PDE4B: variants seen among roughly 807,000 people sequenced by gnomAD.
PDE4B encodes 3',5'-cyclic-AMP phosphodiesterase 4B.
A neutral mutation model predicts 82.2 loss-of-function variants in PDE4B; 20 were observed. That is an observed-to-expected ratio of 0.24 (90% CI 0.17 to 0.35). The LOEUF is 0.35. Among genes scored for constraint, PDE4B ranks in the 10% least tolerant of loss-of-function variants. PDE4B has a pLI of 1.00. For missense variants in PDE4B, 655 were observed against 907.2 expected (o/e 0.72, Z 3.57); for synonymous variants, 320 against 318.9 (o/e 1.00, Z -0.04).
intron 3 of PDE4B, among the ~76,000 whole-genome samples, chr1:65,924,076 A>ACTTTTTTTTTTTTTTTTT (rs1647357789): frequency 6.8e-5 from 1 of 14,622 alleles, no homozygotes; most frequent in African/African-American, 8.7e-5. Context: ...CCAGTTTGCT[A>ACTTTTTTTTTTTTTTTTT]ATTTTTTTTT....
At chr1:66,149,951 A>G (rs144108152) in intron 3 of PDE4B, among the ~76,000 whole-genome samples, 8 of 152,326 alleles carry the variant, frequency 5.3e-5, no homozygotes, top group African/African-American at 1.4e-4. Context: ...TAGGAGTCCA[A>G]CTGCATTCTT....
intron 3 of PDE4B, among the ~76,000 whole-genome samples, chr1:65,960,511 T>A (rs1159734727): frequency 6.6e-6 from 1 of 152,182 alleles, no homozygotes; most frequent in Non-Finnish European, 1.5e-5. Context: ...CAGCCTTGAA[T>A]GTTAGACTGA....
At chr1:65,803,132 T>C (rs773933250) in intron 1 of PDE4B, among the ~76,000 whole-genome samples, 22 of 152,174 alleles carry the variant, frequency 1.4e-4, no homozygotes, top group Non-Finnish European at 2.6e-4. Flanking sequence ...ATTCAAGATA[T>C]TGACAAAAAT....
chr1:66,077,342 T>G (rs1374029408), intron 3 of PDE4B, among the ~76,000 whole-genome samples: 1 of 152,176 alleles, frequency 6.6e-6, no homozygotes, highest in Admixed American at 6.5e-5. Flanking sequence ...GTGTAAACAT[T>G]TAACACGTGT....
chr1:66,210,830 A>G (rs893080044), intron 3 of PDE4B, among the ~76,000 whole-genome samples: 3 of 152,012 alleles, frequency 2.0e-5, no homozygotes, highest in Admixed American at 6.6e-5. Context: ...CTGACATTAG[A>G]CTCATCGTTT....
At chr1:66,243,703 A>T (rs138842730) in intron 3 of PDE4B, among the ~76,000 whole-genome samples, 1 of 152,302 alleles carries the variant, frequency 6.6e-6, no homozygotes, top group East Asian at 1.9e-4. Context: ...CCCATCACCC[A>T]CCATCACTGC....
At chr1:66,364,688 A>G (rs1402059278) in intron 12 of PDE4B, among the ~76,000 whole-genome samples, 2 of 152,206 alleles carry the variant, frequency 1.3e-5, no homozygotes, top group Non-Finnish European at 2.9e-5. Flanking sequence ...AGGGTGTTTG[A>G]TCCCTCTGAA....
chr1:66,114,990 G>A (rs1043683312), intron 3 of PDE4B, among the ~76,000 whole-genome samples: 2 of 152,032 alleles, frequency 1.3e-5, no homozygotes, highest in Non-Finnish European at 2.9e-5. Flanking sequence ...CCAAAATTGG[G>A]GAGTTTACAA....
intron 16 of PDE4B, among the ~76,000 whole-genome samples, chr1:66,371,102 A>C (rs2050754478): frequency 1.4e-5 from 1 of 70,068 alleles, no homozygotes; most frequent in Admixed American, 1.2e-4. Context: ...TACTATATAT[A>C]TATATATATA....
intron 3 of PDE4B, among the ~76,000 whole-genome samples, chr1:66,090,995 G>A (rs1002996208): frequency 1.3e-5 from 2 of 151,784 alleles, no homozygotes; most frequent in African/African-American, 4.8e-5. Flanking sequence ...AAATTAATTG[G>A]GAAAAGAAAA....
intron 7 of PDE4B, among the ~76,000 whole-genome samples, chr1:66,324,514 G>A (rs903086485): frequency 6.6e-6 from 1 of 152,166 alleles, no homozygotes; most frequent in African/African-American, 2.4e-5. Context: ...GCAAGTGAAA[G>A]TGCTTGGTAA....
chr1:66,218,757 A>C (rs1010731797), intron 3 of PDE4B, among the ~76,000 whole-genome samples: 1 of 152,030 alleles, frequency 6.6e-6, no homozygotes. Context: ...CTGAGAGCAG[A>C]GATGATATTT....
chr1:66,239,992 A>G (rs151159760), intron 3 of PDE4B, among the ~76,000 whole-genome samples: 1 of 152,366 alleles, frequency 6.6e-6, no homozygotes, highest in African/African-American at 2.4e-5. Context: ...AAGAATGTGA[A>G]TGATTTTTGC....
chr1:66,041,111 A>G (rs1399515210), intron 3 of PDE4B, among the ~76,000 whole-genome samples: 1 of 151,932 alleles, frequency 6.6e-6, no homozygotes, highest in Non-Finnish European at 1.5e-5. Flanking sequence ...GGTGTTGTAT[A>G]GAGGTGGAGT....
At chr1:66,010,157 G>A (rs962127840) in intron 3 of PDE4B, among the ~76,000 whole-genome samples, 5 of 152,020 alleles carry the variant, frequency 3.3e-5, no homozygotes, top group Admixed American at 1.3e-4. Context: ...CAGACTGTTT[G>A]GGTACCTTCC....
intron 7 of PDE4B, among the ~76,000 whole-genome samples, chr1:66,292,264 T>A (rs1201316296): frequency 6.6e-6 from 1 of 152,216 alleles, no homozygotes; most frequent in Non-Finnish European, 1.5e-5. Context: ...TTATCTTTGC[T>A]GAATAGTGTT....
At chr1:66,214,038 A>T (rs1416243795) in intron 3 of PDE4B, among the ~76,000 whole-genome samples, 1 of 152,178 alleles carries the variant, frequency 6.6e-6, no homozygotes. Context: ...ATATTTTTGT[A>T]TCAAAAAGAT....
chr1:66,225,672 G>C (rs886923299), intron 3 of PDE4B, among the ~76,000 whole-genome samples: 9 of 152,132 alleles, frequency 5.9e-5, no homozygotes, highest in Non-Finnish European at 1.3e-4. Flanking sequence ...CAGTAACCAG[G>C]GCAGGGATAT....
At chr1:65,989,661 C>A (rs1466902561) in intron 3 of PDE4B, among the ~76,000 whole-genome samples, 1 of 152,052 alleles carries the variant, frequency 6.6e-6, no homozygotes, top group Non-Finnish European at 1.5e-5. Flanking sequence ...ATACATGAAC[C>A]GGAAGGTTTT....
Sources: gnomAD v4.1 joint callset for allele counts (sites outside exome capture counted in the v4.1 genomes callset) on GRCh38, gnomAD v4.1.1 for gene constraint, MANE v1.5 for transcripts, NCBI Gene and HGNC (gene_info 2026-07-23, HGNC 2026-07-21) for gene names.